Variants in ITGB3BP observed in about 807,000 individuals in gnomAD.
ITGB3BP encodes integrin subunit beta 3 binding protein, also known as centromere protein R.
Under a neutral mutation model 29.1 loss-of-function variants are expected in ITGB3BP, and 27 were observed. That is an observed-to-expected ratio of 0.93 (90% CI 0.68 to 1.28). ITGB3BP has a LOEUF of 1.28. Among genes scored for constraint, ITGB3BP ranks in the 50% most tolerant of loss-of-function variants. The pLI is 0.00. For synonymous variants in ITGB3BP, 61 were observed against 61.4 expected, an observed-to-expected ratio of 0.99 and a Z score of 0.03; for missense variants, 192 against 200.2, an observed-to-expected ratio of 0.96 and a Z score of 0.25.
chr1:63,506,798 T>G (rs996710741), intron 2 of ITGB3BP, among the ~76,000 whole-genome samples: 5 of 152,186 alleles, frequency 3.3e-5, no homozygotes, highest in Non-Finnish European at 7.4e-5. Context: ...AGCAACATAT[T>G]GGTAAGGTAA....
intron 4 of ITGB3BP, chr1:63,458,098 A>C (rs1241946307): frequency 6.6e-6 from 1 of 152,166 alleles, no homozygotes; most frequent in African/African-American, 2.4e-5. Flanking sequence ...CTTTATTCTG[A>C]AAAACAACTG....
At chr1:63,512,799 C>T (rs1232572940) in intron 1 of ITGB3BP, among the ~76,000 whole-genome samples, 1 of 152,198 alleles carries the variant, frequency 6.6e-6, no homozygotes, top group African/African-American at 2.4e-5. Context: ...TACAACTTCA[C>T]AGGAGTGTTT....
At chr1:63,523,251 C>G, upstream of ITGB3BP, 2 of 1,388,810 alleles carry the variant, frequency 1.4e-6, no homozygotes, top group Middle Eastern at 2.5e-4. Flanking sequence ...GACGTTGCGT[C>G]AAGCCCACCG....
Position 63,514,844 on chromosome 1 carries a change from G to A in ITGB3BP, c.6-6274C>T, listed in dbSNP as rs1239183398. On this transcript the variant is annotated intron_variant, in intron 1 of 8. Coordinates refer to ENST00000271002, the MANE Select transcript of ITGB3BP (RefSeq NM_014288.5). ...ACCTGTAGTCCCCGCTACTCGGGAG[G>A]CTGAGACAGGAGAATCGCTTGAACC... 2.0e-5 allele frequency among the ~76,000 whole-genome samples: 3 copies of A among 151,238 alleles called. No individual in the cohort carries two copies. In the East Asian group the frequency reaches 5.9e-4, roughly 30 times the overall value.
intron 3 of ITGB3BP, among the ~76,000 whole-genome samples, chr1:63,479,764 A>G (rs1369635947): frequency 6.6e-6 from 1 of 152,084 alleles, no homozygotes; most frequent in African/African-American, 2.4e-5. Flanking sequence ...TGTTGTCCCA[A>G]GTGGCAGGAT....
chr1:63,503,655 T>A (rs931513587), intron 2 of ITGB3BP, among the ~76,000 whole-genome samples: 1 of 152,200 alleles, frequency 6.6e-6, no homozygotes. Flanking sequence ...GGTCTAACAT[T>A]TAAGTCTTTA....
At chr1:63,503,585 C>T (rs1645995058) in intron 2 of ITGB3BP, among the ~76,000 whole-genome samples, 1 of 152,130 alleles carries the variant, frequency 6.6e-6, no homozygotes, top group African/African-American at 2.4e-5. Context: ...GAAGTCCTTG[C>T]CCATGCCTAT....
At chr1:63,447,038 C>A (rs751571008) in intron 7 of ITGB3BP, 182 bp from the exon 8 acceptor site, 2 of 562,948 alleles carry the variant, frequency 3.6e-6, no homozygotes, top group Non-Finnish European at 6.4e-6. Flanking sequence ...TAGCCTGATT[C>A]TATTTCAGAA....
intron 2 of ITGB3BP, among the ~76,000 whole-genome samples, chr1:63,493,171 G>A (rs1391871735): frequency 6.6e-6 from 1 of 151,944 alleles, no homozygotes; most frequent in Non-Finnish European, 1.5e-5. Flanking sequence ...TGTAATCCCA[G>A]CACTTTGGGA....
intron 4 of ITGB3BP, among the ~76,000 whole-genome samples, chr1:63,472,571 C>T (rs1645221519): frequency 6.6e-6 from 1 of 150,908 alleles, no homozygotes; most frequent in Non-Finnish European, 1.5e-5. Context: ...AACCTCCCTG[C>T]CTGATTCTCC....
At chr1:63,520,547 G>C (rs935267945) in intron 1 of ITGB3BP, among the ~76,000 whole-genome samples, 2 of 152,120 alleles carry the variant, frequency 1.3e-5, no homozygotes, top group African/African-American at 4.8e-5. Context: ...GCTACACTTA[G>C]GGAGGACTTA....
At chr1:63,480,420 T>C (rs1645417703) in intron 3 of ITGB3BP, among the ~76,000 whole-genome samples, 1 of 152,166 alleles carries the variant, frequency 6.6e-6, no homozygotes, top group African/African-American at 2.4e-5. Context: ...TAGCAAGTAT[T>C]TGAGGACACA....
At chr1:63,503,067 C>A (rs894379318) in intron 2 of ITGB3BP, among the ~76,000 whole-genome samples, 1 of 152,116 alleles carries the variant, frequency 6.6e-6, no homozygotes, top group Non-Finnish European at 1.5e-5. Context: ...ATTTCTAGTT[C>A]TAGATCCCTG....
upstream of ITGB3BP, chr1:63,525,626 T>C (rs1646575225): frequency 1.9e-6 from 3 of 1,597,530 alleles, no homozygotes; most frequent in Non-Finnish European, 2.5e-6. Context: ...AATCAACACC[T>C]TCAGAGAGTC....
intron 8 of ITGB3BP, chr1:63,442,993 A>T (rs1644748191): frequency 6.6e-6 from 1 of 152,182 alleles, no homozygotes; most frequent in Non-Finnish European, 1.5e-5. Context: ...GGTTGCTGTC[A>T]CCCTTACTTT....
At chr1:63,467,671 G>A (rs1340312909) in intron 4 of ITGB3BP, among the ~76,000 whole-genome samples, 1 of 152,100 alleles carries the variant, frequency 6.6e-6, no homozygotes, top group Non-Finnish European at 1.5e-5. Context: ...GTATCTTCTA[G>A]TTTTATAGAC....
chr1:63,501,294 A>G (rs1645922814), intron 2 of ITGB3BP, among the ~76,000 whole-genome samples: 1 of 152,232 alleles, frequency 6.6e-6, no homozygotes, highest in Non-Finnish European at 1.5e-5. Flanking sequence ...CGGATATGAC[A>G]TCAAAAGGAC....
Position 63,446,826 on chromosome 1 carries a change from A to G in ITGB3BP, c.515T>C (p.Leu172Pro). 1.2e-6 allele frequency: 2 copies of G among 1,611,794 alleles called. No individual in the cohort carries two copies. The highest frequency in any genetic ancestry group is 2.2e-5 in the South Asian group (2 of 90,978). The change falls in exon 8 of 9, where the codon CTT becomes CCT. Residue 172 changes from leucine to proline, a missense_variant. Physicochemically the swap from Leu to Pro is moderately conservative, Grantham distance 98 (BLOSUM62 -3). Coordinates refer to ENST00000271002, the MANE Select transcript of ITGB3BP (RefSeq NM_014288.5). ...AGTACCTCAGTTTAAAATGGCTTTA[A>G]GGAATTCATAGCTGTCAAGATGACG... The part of the protein sequence containing the change: ...ASRHLDSYEF[L>P]KAILN
chr1:63,473,801 G>A (rs1418764929), intron 4 of ITGB3BP, among the ~76,000 whole-genome samples: 169 of 41,798 alleles, frequency 4.0e-3, no homozygotes, highest in African/African-American at 7.9e-3. Flanking sequence ...AGGTGGGGGG[G>A]TCAGCCCCCC....
Sources: gnomAD v4.1 joint callset for allele counts (sites outside exome capture counted in the v4.1 genomes callset) on GRCh38, gnomAD v4.1.1 for gene constraint, MANE v1.5 for transcripts, NCBI Gene and HGNC (gene_info 2026-07-23, HGNC 2026-07-21) for gene names.